Variants in LRP2 observed in about 807,000 individuals in gnomAD.
The protein encoded by LRP2 is low-density lipoprotein receptor-related protein 2.
Under a neutral mutation model 531.0 loss-of-function variants are expected in LRP2, and 172 were observed. The observed-to-expected ratio is 0.32, with a 90% CI of 0.29 to 0.37. The LOEUF (loss-of-function observed/expected upper bound fraction) is 0.37, where lower values mean the gene tolerates loss of function less well. Ranked by LOEUF, LRP2 falls within the 10% of genes least tolerant of loss-of-function variation. LRP2 has a pLI of 1.00. For synonymous variants in LRP2, 1,992 were observed against 2,027.6 expected (o/e 0.98, Z 0.47); for missense variants, 5,167 against 5,868.3 (o/e 0.88, Z 3.90).
At position 169,205,647 on chromosome 2, in the gene LRP2, C is replaced by T. The variant is rs761652333; in HGVS notation, c.7557-10G>A. 6.2e-7 allele frequency: 1 copy of T among 1,603,620 alleles called. No individual in the cohort carries two copies. The highest frequency in any genetic ancestry group is 2.2e-5 in the East Asian group (1 of 44,608). On this transcript the variant is annotated splice_polypyrimidine_tract_variant and intron_variant, in intron 40 of 78. Transcript: ENST00000649046. ...AGCCCAGTACAGGTACCTAGTCATACAAAAGGAGTCAATAATTAATTCACA... is the reference window on the plus strand; with the variant it reads ...AGCCCAGTACAGGTACCTAGTCATATAAAAGGAGTCAATAATTAATTCACA...
At chr2:169,242,434 C>G (rs771035504) in intron 24 of LRP2, among the ~76,000 whole-genome samples, 4 of 152,122 alleles carry the variant, frequency 2.6e-5, no homozygotes, top group Non-Finnish European at 2.9e-5. Context: ...TTTCTAAGAC[C>G]CTTGTAACTG....
chr2:169,166,070 G>C lies in LRP2; in HGVS notation c.11636-16C>G, dbSNP rs1686772112. 4.3e-6 allele frequency: 7 copies of C among 1,613,532 alleles called. No homozygotes were observed. The highest frequency in any genetic ancestry group is 5.9e-6 in the Non-Finnish European group (7 of 1,179,582). Reference sequence around the variant, plus strand: ...GGAACATCCACTGAAAGGAAAGATAGAAAAATGAAATTACAAGTTAACAGT... The same window carrying C: ...GGAACATCCACTGAAAGGAAAGATACAAAAATGAAATTACAAGTTAACAGT... On this transcript the variant is annotated splice_polypyrimidine_tract_variant and intron_variant, in intron 61 of 78. Transcript: ENST00000649046.
rs778712989 is a variant in LRP2 at position 169,275,166 on chromosome 2, G to C, written c.1845C>G (p.Phe615Leu). ...CGGCCATCTTTGTCCAATCTGTAAAGAACACCTGACCTTCAAATAAGCTTA... is the reference window on the plus strand; with the variant it reads ...CGGCCATCTTTGTCCAATCTGTAAACAACACCTGACCTTCAAATAAGCTTA... ...FGVSLFEGQV[F>L]FTDWTKMAVL... Residue 615 changes from phenylalanine to leucine, a missense_variant, in exon 14 of 79, where the codon TTC becomes TTG. Around this residue, in one of 6 missense-constraint regions of LRP2, gnomAD observed 2,811 missense variants for 3,058.0 expected, o/e 0.92. Coordinates refer to ENST00000649046, the MANE Select transcript of LRP2 (RefSeq NM_004525.3). 6.2e-7 allele frequency: 1 copy of C among 1,613,798 alleles called. No homozygotes were observed. Among genetic ancestry groups the C allele is most frequent in the Admixed American group, 1.7e-5 (1 of 59,924 alleles).
chr2:169,323,075 C>T (rs1300190059), intron 1 of LRP2, among the ~76,000 whole-genome samples: 2 of 152,016 alleles, frequency 1.3e-5, no homozygotes, highest in Non-Finnish European at 2.9e-5. Context: ...TTATAAAACA[C>T]TTCAAAGTCA....
intron 68 of LRP2, 111 bp from the exon 69 acceptor site, chr2:169,147,070 G>C (rs1362060359): frequency 2.3e-6 from 2 of 851,366 alleles, no homozygotes; most frequent in Admixed American, 4.0e-5. Context: ...TCAGGGACCT[G>C]GGTGCTCAGT....
At chr2:169,189,079 T>G (rs1190627675) in intron 48 of LRP2, among the ~76,000 whole-genome samples, 1 of 152,208 alleles carries the variant, frequency 6.6e-6, no homozygotes, top group African/African-American at 2.4e-5. Context: ...AACTGGCCTT[T>G]CTTCTCCATA....
At position 169,138,447 on chromosome 2, in the gene LRP2, G is replaced by T. The variant is rs553099551; in HGVS notation, c.13518+130C>A. ...ACAAACCTAATGTTTCCTAACTTGT[G>T]TAGTGCAGACCTTATTCTGAGAGGC... On this transcript the variant is annotated intron_variant, in intron 75 of 78. Coordinates refer to ENST00000649046, the MANE Select transcript of LRP2 (RefSeq NM_004525.3). The T allele has an allele frequency of 6.3e-6, 6 of 953,040 alleles. No individual in the cohort carries two copies. The East Asian group carries it at 1.6e-4, about 26-fold the overall frequency. The allele number at this position is 953,040 out of a possible 1,614,324, so 59.0% of individuals were successfully genotyped here. A position where few individuals can be genotyped will look rare whatever the true frequency, so the allele number is the denominator to read the frequency against.
rs1412609768 is a variant in LRP2, at chr2:169,299,139, GAAAGAAAGAAAGAAAGAAAA to G, written c.428-4449_428-4430del. ...AGAAAGAAAGAAAGAAAGAAAGAAA[GAAAGAAAGAAAGAAAGAAAA>G]AAAGAAAGAAAGAAAAAGAAAGAAA... On this transcript the variant is annotated intron_variant, in intron 4 of 78. Coordinates refer to ENST00000649046, the MANE Select transcript of LRP2 (RefSeq NM_004525.3). Among the ~76,000 whole-genome samples the G allele has an allele frequency of 5.2e-4, 30 of 57,194 alleles. 4 individuals are homozygous for G. Among genetic ancestry groups the G allele is most frequent in the South Asian group, 1.4e-3 (2 of 1,418 alleles). 37.5% of individuals were successfully genotyped at this position (57,194 alleles called of 152,430 possible).
chr2:169,191,016 G>T (rs1316163185), intron 48 of LRP2, among the ~76,000 whole-genome samples: 1 of 152,204 alleles, frequency 6.6e-6, no homozygotes, highest in Non-Finnish European at 1.5e-5. Context: ...TTGCAGGAGA[G>T]GTCCCCCAAA....
rs754205593 is a variant in LRP2, at chr2:169,233,439, A to G, written c.5070T>C (p.Val1690=). The change falls in exon 30 of 79, where the codon GTT becomes GTC. Residue 1690 remains valine (V), a synonymous_variant. Transcript: ENST00000649046. The part of the protein sequence containing the change: ...MYNIQWPLGI[V]AVHPSKQPNS... ...TTGGTTGTTTCGAAGGATGAACCGCAACAATCCCAAGGGGCCATTGAATAT... is the reference window on the plus strand; with the variant it reads ...TTGGTTGTTTCGAAGGATGAACCGCGACAATCCCAAGGGGCCATTGAATAT... The G allele has an allele frequency of 6.2e-7, 1 of 1,614,220 alleles. No individual in the cohort carries two copies.
Position 169,202,925 on chromosome 2 carries a change from C to T in LRP2, c.8040G>A (p.Glu2680=). 6.2e-7 allele frequency: 1 copy of T among 1,614,184 alleles called. No individual in the cohort carries two copies. The highest frequency in any genetic ancestry group is 8.5e-7 in the Non-Finnish European group (1 of 1,180,036). Residue 2680 remains glutamate (E), a synonymous_variant, in exon 43 of 79, where the codon GAG becomes GAA. Coordinates refer to ENST00000649046, the MANE Select transcript of LRP2 (RefSeq NM_004525.3). The part of the protein sequence containing the change: ...PNGAECQCPH[E]GNWYLANNRK... ...TGTTGTTGGCCAAATACCAGTTGCC[C>T]TCATGTGGACACTGGCACTCGGCAC...
chr2:169,288,554 G>C (rs1161072885), intron 9 of LRP2, among the ~76,000 whole-genome samples: 2 of 138,566 alleles, frequency 1.4e-5, no homozygotes, highest in Middle Eastern at 3.4e-3. Context: ...GTGATCCTCT[G>C]CTGTGTCAGG....
rs1688018445 is a variant in LRP2, at chr2:169,196,777, A to T, written c.8698+134T>A. The stretch of plus-strand genomic sequence containing the variant: ...TGAATATCCGCTGAGCGGTGTCAGC[A>T]TTCCAGATGAAAGCTGGGACAGGAA... On this transcript the variant is annotated intron_variant, in intron 46 of 78. Coordinates refer to ENST00000649046, the MANE Select transcript of LRP2 (RefSeq NM_004525.3). 6 of 1,227,838 alleles carry T rather than the reference A, an allele frequency of 4.9e-6. No homozygotes were observed. In the South Asian group the frequency reaches 7.3e-5, roughly 15 times the overall value. 76.1% of individuals were successfully genotyped at this position (1,227,838 alleles called of 1,614,324 possible).
intron 37 of LRP2, among the ~76,000 whole-genome samples, chr2:169,211,692 G>A (rs1335537085): frequency 6.6e-6 from 1 of 152,146 alleles, no homozygotes; most frequent in Non-Finnish European, 1.5e-5. Flanking sequence ...TGCCCTGGGA[G>A]CTTATTAGGA....
At chr2:169,195,761 C>G (rs984238281) in intron 46 of LRP2, among the ~76,000 whole-genome samples, 19 of 152,200 alleles carry the variant, frequency 1.2e-4, no homozygotes, top group African/African-American at 4.3e-4. Flanking sequence ...ACTCTATGTG[C>G]CCTTTGCTTT....
intron 1 of LRP2, among the ~76,000 whole-genome samples, chr2:169,357,668 T>G (rs1191323560): frequency 6.6e-6 from 1 of 152,132 alleles, no homozygotes; most frequent in Non-Finnish European, 1.5e-5. Flanking sequence ...TTCTAGCTAC[T>G]AGGACTTAAC....
intron 29 of LRP2, among the ~76,000 whole-genome samples, chr2:169,233,840 C>A (rs1689503967): frequency 6.6e-6 from 1 of 152,166 alleles, no homozygotes; most frequent in Non-Finnish European, 1.5e-5. Context: ...TTACACTGGG[C>A]ATCTATTTTA....
chr2:169,326,825 G>A (rs1371193276), intron 1 of LRP2, among the ~76,000 whole-genome samples: 2 of 150,526 alleles, frequency 1.3e-5, no homozygotes, highest in Non-Finnish European at 3.0e-5. Flanking sequence ...GTCTCTGCCC[G>A]GCCGCCCATC....
At chr2:169,138,462 T>C (rs1231459687) in intron 75 of LRP2, 115 bp downstream of exon 75, 3 of 1,159,920 alleles carry the variant, frequency 2.6e-6, no homozygotes, top group East Asian at 2.6e-5. Flanking sequence ...GCAGACCTTA[T>C]TCTGAGAGGC....
Sources: allele counts gnomAD v4.1 joint callset (sites outside exome capture counted in the v4.1 genomes callset), GRCh38; gene constraint gnomAD v4.1.1; regional missense constraint gnomAD v4.1.1; transcripts MANE v1.5; gene names NCBI Gene and HGNC (gene_info 2026-07-23, HGNC 2026-07-21).